FRMD5: variants seen among roughly 807,000 people sequenced by gnomAD.
FRMD5 encodes FERM domain-containing protein 5.
Under a neutral mutation model 69.0 loss-of-function variants are expected in FRMD5, and 20 were observed. The observed-to-expected ratio is 0.29, with a 90% CI of 0.20 to 0.42. The LOEUF is 0.42. FRMD5 is among the 10% of genes least tolerant of loss of function. The pLI, the probability that FRMD5 is intolerant of heterozygous loss-of-function variation, is 1.00. For synonymous variants in FRMD5, 271 were observed against 260.1 expected (o/e 1.04, Z -0.40); for missense variants, 595 against 708.6 (o/e 0.84, Z 1.82).
intron 1 of FRMD5, among the ~76,000 whole-genome samples, chr15:44,002,844 A>G (rs529503191): frequency 6.6e-6 from 1 of 152,270 alleles, no homozygotes; most frequent in East Asian, 1.9e-4. Context: ...ACTGGGCATA[A>G]GACAATATGA....
chr15:44,141,233 A>G (rs1339045832), intron 1 of FRMD5, among the ~76,000 whole-genome samples: 1 of 152,218 alleles, frequency 6.6e-6, no homozygotes, highest in Non-Finnish European at 1.5e-5. Context: ...GCCAAAAAAA[A>G]TCAATATTCT....
At chr15:43,981,313 G>GA (rs140030764) in intron 1 of FRMD5, among the ~76,000 whole-genome samples, 4 of 151,108 alleles carry the variant, frequency 2.6e-5, no homozygotes, top group Admixed American at 6.6e-5. Context: ...ATAAATTAGA[G>GA]AAAAAAAAAT....
intron 1 of FRMD5, among the ~76,000 whole-genome samples, chr15:43,944,522 C>CG (rs1566851547): frequency 6.6e-6 from 1 of 151,610 alleles, no homozygotes; most frequent in East Asian, 1.9e-4. Flanking sequence ...CCCGAACTCC[C>CG]GGGTTCAAGT....
chr15:44,185,127 G>T (rs2078076816), intron 1 of FRMD5, among the ~76,000 whole-genome samples: 1 of 152,210 alleles, frequency 6.6e-6, no homozygotes, highest in Non-Finnish European at 1.5e-5. Flanking sequence ...TAGCTGTGCT[G>T]CTTAGTTGGT....
chr15:43,902,183 G>C lies in FRMD5; in HGVS notation c.631C>G (p.Pro211Ala). 6.2e-7 allele frequency: 1 copy of C among 1,613,356 alleles called. No individual in the cohort carries two copies. The highest frequency in any genetic ancestry group is 8.5e-7 in the Non-Finnish European group (1 of 1,179,314). ...CAACCAGGGGGTCTTACCTTACATGGGTGAGGATCCACTCCATATGTTTCC... is the reference window on the plus strand; with the variant it reads ...CAACCAGGGGGTCTTACCTTACATGCGTGAGGATCCACTCCATATGTTTCC... ...TLETYGVDPH[P>A]CKDVSGNAAF... The change falls in exon 7 of 14, where the codon CCA becomes GCA. Residue 211 changes from proline to alanine, a missense_variant. Pro to Ala is a conservative substitution (Grantham distance 27). Transcript: ENST00000417257.
chr15:44,106,936 T>A (rs1288303265), intron 1 of FRMD5, among the ~76,000 whole-genome samples: 1 of 152,226 alleles, frequency 6.6e-6, no homozygotes, highest in African/African-American at 2.4e-5. Flanking sequence ...GGATGATATA[T>A]GGTATATTTT....
At chr15:43,893,773 C>A (rs2088851406) in intron 7 of FRMD5, among the ~76,000 whole-genome samples, 2 of 152,110 alleles carry the variant, frequency 1.3e-5, no homozygotes, top group African/African-American at 4.8e-5. Flanking sequence ...GGCTCACCTC[C>A]CTGACACAGA....
chr15:43,929,899 A>C (rs2089646958), intron 1 of FRMD5, among the ~76,000 whole-genome samples: 1 of 152,214 alleles, frequency 6.6e-6, no homozygotes, highest in Admixed American at 6.5e-5. Context: ...GCCAGGTTCC[A>C]GAGCAGATGC....
intron 1 of FRMD5, among the ~76,000 whole-genome samples, chr15:44,065,896 T>A (rs1353784621): frequency 1.3e-5 from 2 of 152,208 alleles, no homozygotes; most frequent in Non-Finnish European, 2.9e-5. Context: ...TCAAAACAGA[T>A]GATACAGTTT....
intron 1 of FRMD5, among the ~76,000 whole-genome samples, chr15:43,934,815 C>A (rs2089732052): frequency 6.6e-6 from 1 of 152,200 alleles, no homozygotes; most frequent in Non-Finnish European, 1.5e-5. Flanking sequence ...ATTTCCTAAA[C>A]TATAACCCAG....
intron 1 of FRMD5, among the ~76,000 whole-genome samples, chr15:44,088,282 C>T (rs915687620): frequency 5.9e-5 from 9 of 152,054 alleles, no homozygotes; most frequent in African/African-American, 2.2e-4. Flanking sequence ...AACCATGTGC[C>T]CATTAGCAGT....
chr15:44,124,479 C>G (rs1301852812), intron 1 of FRMD5, among the ~76,000 whole-genome samples: 1 of 151,738 alleles, frequency 6.6e-6, no homozygotes, highest in East Asian at 2.0e-4. Flanking sequence ...GCAGGCAGAT[C>G]ACGAGGACAG....
intron 5 of FRMD5, among the ~76,000 whole-genome samples, chr15:43,908,047 G>A (rs894409229): frequency 1.3e-5 from 2 of 152,142 alleles, no homozygotes; most frequent in African/African-American, 2.4e-5. Flanking sequence ...TAAAACTGTA[G>A]AAAAGACTAG....
At chr15:44,118,699 T>C (rs537291190) in intron 1 of FRMD5, among the ~76,000 whole-genome samples, 1 of 152,334 alleles carries the variant, frequency 6.6e-6, no homozygotes, top group Admixed American at 6.5e-5. Flanking sequence ...AGTCAAAATC[T>C]CAGATTCAAC....
chr15:44,191,358 C>T (rs958832583), intron 1 of FRMD5, among the ~76,000 whole-genome samples: 7 of 151,966 alleles, frequency 4.6e-5, no homozygotes, highest in African/African-American at 1.2e-4. Context: ...GGAGGCGAGG[C>T]GGGTGGATCA....
intron 1 of FRMD5, among the ~76,000 whole-genome samples, chr15:43,983,588 C>T (rs1000469334): frequency 2.6e-5 from 4 of 152,162 alleles, no homozygotes; most frequent in Non-Finnish European, 5.9e-5. Flanking sequence ...TCTGACAATG[C>T]TTTTATGCAC....
chr15:44,143,300 A>T (rs1259216850), intron 1 of FRMD5, among the ~76,000 whole-genome samples: 1 of 151,936 alleles, frequency 6.6e-6, no homozygotes, highest in Non-Finnish European at 1.5e-5. Flanking sequence ...ACTGTTCCTC[A>T]TTTGATCTTC....
At chr15:44,075,347 T>C (rs1383769648) in intron 1 of FRMD5, among the ~76,000 whole-genome samples, 1 of 152,082 alleles carries the variant, frequency 6.6e-6, no homozygotes, top group Non-Finnish European at 1.5e-5. Context: ...ATGAATAAAT[T>C]TCTTCAAACA....
intron 1 of FRMD5, among the ~76,000 whole-genome samples, chr15:44,005,549 T>C (rs552479245): frequency 3.6e-4 from 55 of 150,714 alleles, no homozygotes; most frequent in African/African-American, 1.3e-3. Flanking sequence ...TTTAATTGAC[T>C]CAGTTCTGCA....
Sources: allele counts gnomAD v4.1 joint callset (sites outside exome capture counted in the v4.1 genomes callset), GRCh38; gene constraint gnomAD v4.1.1; transcripts MANE v1.5; gene names NCBI Gene and HGNC (gene_info 2026-07-23, HGNC 2026-07-21).